Variants in NHS observed in about 807,000 individuals in gnomAD.
The protein encoded by NHS is NHS actin remodeling regulator.
In NHS, 5 loss-of-function variants were observed where a neutral mutation model predicts 72.5. The observed-to-expected ratio is 0.07, with a 90% CI of 0.04 to 0.14. NHS has a LOEUF of 0.14. NHS is among the 10% of genes least tolerant of loss of function. The probability of loss-of-function intolerance (pLI) is 1.00; values close to 1 mark genes in which losing one functional copy is unlikely to be tolerated. For synonymous variants in NHS, 464 were observed against 547.7 expected (o/e 0.85, Z 2.13); for missense variants, 1,072 against 1,355.7 (o/e 0.79, Z 3.29).
intron 1 of NHS, among the ~76,000 whole-genome samples, chrX:17,436,509 A>G (rs1033689953): frequency 9.1e-6 from 1 of 109,539 alleles, no homozygotes; most frequent in Non-Finnish European, 1.9e-5. Context: ...TCATAAATAT[A>G]TATGGATATA....
intron 1 of NHS, among the ~76,000 whole-genome samples, chrX:17,672,943 T>C (rs373056710): frequency 9.0e-6 from 1 of 110,834 alleles, no homozygotes; most frequent in East Asian, 2.8e-4. Context: ...CAACTGGGCC[T>C]TGGGAGGTCT....
intron 1 of NHS, among the ~76,000 whole-genome samples, chrX:17,469,096 C>A (rs1443880530): frequency 6.3e-5 from 7 of 111,756 alleles, no homozygotes; most frequent in Non-Finnish European, 1.9e-5. Context: ...TATACCTGGT[C>A]TCTTTTGTTC....
At chrX:17,731,815 G>A (rs745781488) in intron 8 of NHS, 43 bp from the exon 9 acceptor site, 6 of 1,158,155 alleles carry the variant, frequency 5.2e-6, no homozygotes, top group East Asian at 3.0e-5. Flanking sequence ...ATAAAAACGT[G>A]AACTGAGTGA....
chrX:17,453,480 A>C (rs1266317990), intron 1 of NHS, among the ~76,000 whole-genome samples: 1 of 111,850 alleles, frequency 8.9e-6, no homozygotes, highest in East Asian at 2.8e-4. Flanking sequence ...GTTCCTATAG[A>C]GATCTCATTA....
intron 1 of NHS, among the ~76,000 whole-genome samples, chrX:17,498,232 G>A (rs747381571): frequency 2.7e-5 from 3 of 111,867 alleles, no homozygotes; most frequent in East Asian, 2.8e-4. Flanking sequence ...CAATGGAAAC[G>A]CCACCAGCAG....
intron 1 of NHS, among the ~76,000 whole-genome samples, chrX:17,524,004 C>G (rs1187441814): frequency 1.8e-5 from 2 of 111,889 alleles, no homozygotes; most frequent in Admixed American, 9.5e-5. Flanking sequence ...AGAGCTGGCT[C>G]TCTGCTGCAT....
chrX:17,489,079 A>G (rs1438380794), intron 1 of NHS, among the ~76,000 whole-genome samples: 1 of 111,650 alleles, frequency 9.0e-6, no homozygotes, highest in African/African-American at 3.3e-5. Flanking sequence ...GCTGAGAATG[A>G]TGGTTTCCAG....
At chrX:17,667,115 C>T (rs779025657) in intron 1 of NHS, among the ~76,000 whole-genome samples, 6 of 112,695 alleles carry the variant, frequency 5.3e-5, no homozygotes, top group Admixed American at 9.3e-5. Context: ...ACTCCCCATA[C>T]GGATTACAGA....
chrX:17,531,585 C>T, intron 1 of NHS, among the ~76,000 whole-genome samples: 1 of 113,091 alleles, frequency 8.8e-6, no homozygotes, highest in East Asian at 2.8e-4. Flanking sequence ...TCCTCTGCCA[C>T]TGCTTCAGCT....
intron 1 of NHS, among the ~76,000 whole-genome samples, chrX:17,624,887 C>T (rs1362915298): frequency 8.9e-6 from 1 of 111,894 alleles, no homozygotes; most frequent in East Asian, 2.8e-4. Flanking sequence ...GCTACCAAGC[C>T]CCTCTAGAAC....
chrX:17,540,949 G>A (rs1432052866), intron 1 of NHS, among the ~76,000 whole-genome samples: 1 of 111,857 alleles, frequency 8.9e-6, no homozygotes, highest in East Asian at 2.8e-4. Flanking sequence ...GTGTGTGCCT[G>A]TAGTCTCAGC....
chrX:17,511,860 C>T (rs1248282401), intron 1 of NHS, among the ~76,000 whole-genome samples: 1 of 109,424 alleles, frequency 9.1e-6, no homozygotes, highest in Non-Finnish European at 1.9e-5. Flanking sequence ...ATGGTTCTGT[C>T]CTTCTTATTC....
intron 1 of NHS, among the ~76,000 whole-genome samples, chrX:17,507,057 C>A (rs1403249425): frequency 8.9e-6 from 1 of 112,471 alleles, no homozygotes; most frequent in East Asian, 2.8e-4. Flanking sequence ...TTGTAGTTGA[C>A]AGATTTTTTT....
intron 3 of NHS, among the ~76,000 whole-genome samples, chrX:17,698,946 A>G (rs910998896): frequency 9.0e-6 from 1 of 111,524 alleles, no homozygotes; most frequent in African/African-American, 3.3e-5. Context: ...ATATGTATGT[A>G]TATATATCTA....
At chrX:17,650,570 C>T (rs945300827) in intron 1 of NHS, among the ~76,000 whole-genome samples, 1 of 112,243 alleles carries the variant, frequency 8.9e-6, no homozygotes, top group African/African-American at 3.2e-5. Flanking sequence ...CTCCTGTATC[C>T]CACCTCATGA....
intron 1 of NHS, among the ~76,000 whole-genome samples, chrX:17,633,641 T>C (rs2065830694): frequency 8.9e-6 from 1 of 112,089 alleles, no homozygotes; most frequent in South Asian, 3.7e-4. Context: ...AGCTAAATAG[T>C]GGCTTTGCCA....
intron 1 of NHS, among the ~76,000 whole-genome samples, chrX:17,553,924 C>T (rs2065351030): frequency 8.9e-6 from 1 of 112,002 alleles, no homozygotes; most frequent in Non-Finnish European, 1.9e-5. Flanking sequence ...CAGCACAACA[C>T]AACAGAACTT....
chrX:17,400,111 CA>C (rs1323821161), intron 1 of NHS, among the ~76,000 whole-genome samples: 2 of 111,451 alleles, frequency 1.8e-5, no homozygotes, highest in African/African-American at 6.5e-5. Flanking sequence ...ATTGGAAAAG[CA>C]GAAGTAAAAG....
At chrX:17,515,011 A>C (rs1294169726) in intron 1 of NHS, among the ~76,000 whole-genome samples, 1 of 111,829 alleles carries the variant, frequency 8.9e-6, no homozygotes, top group Non-Finnish European at 1.9e-5. Flanking sequence ...GAGTTGAACT[A>C]TAAATCAGGT....
Sources: allele counts gnomAD v4.1 joint callset (sites outside exome capture counted in the v4.1 genomes callset), GRCh38; gene constraint gnomAD v4.1.1; transcripts MANE v1.5; gene names NCBI Gene and HGNC (gene_info 2026-07-23, HGNC 2026-07-21).